The following GRK5 variants were observed in gnomAD, a reference collection of about 807,000 sequenced individuals.
GRK5 encodes the protein g protein-coupled receptor kinase GRK5.
GRK5 carries 40 observed loss-of-function variants against 78.4 expected under a neutral mutation model. That is an observed-to-expected ratio of 0.51 (90% CI 0.40 to 0.66). The LOEUF is 0.66. Among genes scored for constraint, GRK5 ranks in the 30% least tolerant of loss-of-function variants. The pLI is 0.00. For synonymous variants in GRK5, 289 were observed against 296.8 expected, an observed-to-expected ratio of 0.97 and a Z score of 0.27; for missense variants, 598 against 759.9, an observed-to-expected ratio of 0.79 and a Z score of 2.50.
chr10:119,399,420 G>C (rs1050218228), intron 4 of GRK5, among the ~76,000 whole-genome samples: 1 of 152,182 alleles, frequency 6.6e-6, no homozygotes, highest in African/African-American at 2.4e-5. Flanking sequence ...CCCAGCACTG[G>C]CTCAGAAGAC....
chr10:119,297,537 T>C (rs1215653086), intron 1 of GRK5, among the ~76,000 whole-genome samples: 1 of 152,262 alleles, frequency 6.6e-6, no homozygotes, highest in Non-Finnish European at 1.5e-5. Context: ...GATGATACTA[T>C]GAAGTAGAAC....
chr10:119,302,061 C>T (rs1850192408), intron 1 of GRK5, among the ~76,000 whole-genome samples: 1 of 152,224 alleles, frequency 6.6e-6, no homozygotes. Flanking sequence ...TCGTTGGCTT[C>T]CTGGACTTTT....
At position 119,336,451 on chromosome 10, in the gene GRK5, T is replaced by A. The variant is rs79774581; in HGVS notation, c.148+9840T>A. Among the ~76,000 whole-genome samples the A allele has an allele frequency of 9.5e-3, 1,446 of 152,154 alleles. 14 individuals carry two copies. Among genetic ancestry groups the A allele is most frequent in the South Asian group, 0.039 (190 of 4,816 alleles). ...CTTTATCTGTAAGATTGTTTTTTTT[T>A]TAAAAAAAGAATGAATTGGCATGTT... is the stretch of plus-strand genomic sequence containing the variant. On this transcript the variant is annotated intron_variant, in intron 2 of 15. Coordinates refer to ENST00000392870, the MANE Select transcript of GRK5 (RefSeq NM_005308.3). The surrounding 1 kb of genome is among the most constrained non-coding windows in gnomAD (Gnocchi z 4.5).
chr10:119,272,731 C>T (rs1849605024), intron 1 of GRK5, among the ~76,000 whole-genome samples: 1 of 152,172 alleles, frequency 6.6e-6, no homozygotes, highest in Non-Finnish European at 1.5e-5. Flanking sequence ...AGGTTTTGCC[C>T]TGACCCATGA....
intron 2 of GRK5, among the ~76,000 whole-genome samples, chr10:119,374,134 A>G (rs1221400472): frequency 6.6e-6 from 1 of 152,234 alleles, no homozygotes; most frequent in African/African-American, 2.4e-5. Flanking sequence ...AATCTGGTCT[A>G]AGTCCCTGTA....
intron 1 of GRK5, among the ~76,000 whole-genome samples, chr10:119,224,384 AATTTATT>A (rs1321307463): frequency 3.8e-5 from 5 of 131,336 alleles, no homozygotes; most frequent in South Asian, 2.7e-4. Flanking sequence ...TTTATTTATT[AATTTATT>A]ATTTATTTAT....
intron 1 of GRK5, among the ~76,000 whole-genome samples, chr10:119,291,953 T>TCTCTTCCTCCTC (rs1564879490): frequency 1.4e-5 from 1 of 73,426 alleles, no homozygotes; most frequent in African/African-American, 5.5e-5. Flanking sequence ...TTTTCCTCCT[T>TCTCTTCCTCCTC]CTCCTCCTCT....
chr10:119,410,492 A>G (rs1007600205), intron 4 of GRK5, among the ~76,000 whole-genome samples: 9 of 152,152 alleles, frequency 5.9e-5, no homozygotes, highest in African/African-American at 2.2e-4. Flanking sequence ...AGAGAACATG[A>G]CACGCTGGGT....
At position 119,395,052 on chromosome 10, in the gene GRK5, C is replaced by T. The variant is rs182960429; in HGVS notation, c.262-1643C>T. On this transcript the variant is annotated intron_variant, in intron 3 of 15. Coordinates refer to ENST00000392870, the MANE Select transcript of GRK5 (RefSeq NM_005308.3). ...CCTCTGGGGAGAGGCTCTGCCCACG[C>T]GGCGCAGTGGGAATCCAGAGGCCAG... 1.7e-3 allele frequency among the ~76,000 whole-genome samples: 244 copies of T among 144,766 alleles called. 2 individuals carry two copies. The highest frequency in any genetic ancestry group is 5.9e-3 in the African/African-American group (235 of 40,116). 95.0% of individuals were successfully genotyped at this position (144,766 alleles called of 152,430 possible).
chr10:119,317,495 C>T (rs528927683), intron 1 of GRK5, among the ~76,000 whole-genome samples: 3 of 152,000 alleles, frequency 2.0e-5, no homozygotes, highest in Non-Finnish European at 4.4e-5. Flanking sequence ...CTCATTGGCC[C>T]GGACCCCTCA....
intron 3 of GRK5, among the ~76,000 whole-genome samples, chr10:119,383,379 T>C (rs919831664): frequency 3.9e-5 from 6 of 152,246 alleles, no homozygotes; most frequent in African/African-American, 7.2e-5. Flanking sequence ...CTTTTTGAAA[T>C]GGTAGCAGCT....
At chr10:119,408,658 G>T (rs540851344) in intron 4 of GRK5, among the ~76,000 whole-genome samples, 3 of 152,170 alleles carry the variant, frequency 2.0e-5, no homozygotes, top group Non-Finnish European at 4.4e-5. Flanking sequence ...AATCCATAGA[G>T]GCAGAAAGTA....
chr10:119,444,030 C>G (rs1435394752), intron 12 of GRK5, among the ~76,000 whole-genome samples: 1 of 152,086 alleles, frequency 6.6e-6, no homozygotes, highest in Admixed American at 6.5e-5. Flanking sequence ...TCACATCCAG[C>G]CTGTGGGGGG....
In GRK5 at chr10:119,339,523, G is replaced by A. The variant is rs531344; in HGVS notation, c.148+12912G>A. Among the ~76,000 whole-genome samples the A allele has an allele frequency of 2.8e-3, 429 of 152,274 alleles. 3 individuals carry two copies. The highest frequency in any genetic ancestry group is 9.9e-3 in the African/African-American group (412 of 41,558). Reference sequence around the variant, plus strand: ...AACACCCCAGAGCTAGTACCCGAAAGGCAGGAGTGGGGGGTTGCAGGGAAG... The same window carrying A: ...AACACCCCAGAGCTAGTACCCGAAAAGCAGGAGTGGGGGGTTGCAGGGAAG... On this transcript the variant is annotated intron_variant, in intron 2 of 15. Transcript: ENST00000392870.
chr10:119,304,283 G>GC (rs1850235137), intron 1 of GRK5, among the ~76,000 whole-genome samples: 2 of 118,102 alleles, frequency 1.7e-5, no homozygotes, highest in African/African-American at 3.2e-5. Context: ...TGTGTGAGCT[G>GC]CTTTTTTTTT....
intron 1 of GRK5, among the ~76,000 whole-genome samples, chr10:119,229,283 A>G (rs1331564821): frequency 6.6e-6 from 1 of 152,054 alleles, no homozygotes; most frequent in African/African-American, 2.4e-5. Context: ...CTGGGTGTGC[A>G]GCGTTGTGTG....
At chr10:119,370,233 A>C in intron 2 of GRK5, among the ~76,000 whole-genome samples, 1 of 150,934 alleles carries the variant, frequency 6.6e-6, no homozygotes, top group Non-Finnish European at 1.5e-5. Context: ...TTTCCTCCCC[A>C]CTGTCCCCGC....
At chr10:119,409,142 C>T (rs1429344023) in intron 4 of GRK5, among the ~76,000 whole-genome samples, 5 of 152,326 alleles carry the variant, frequency 3.3e-5, no homozygotes, top group Admixed American at 2.6e-4. Context: ...ACCTGGGCCT[C>T]GGCTTCCACT....
At chr10:119,283,183 A>C (rs1849791327) in intron 1 of GRK5, among the ~76,000 whole-genome samples, 1 of 152,062 alleles carries the variant, frequency 6.6e-6, no homozygotes, top group Non-Finnish European at 1.5e-5. Context: ...TTTTTAAACC[A>C]AAAACAACAT....
Sources: allele counts gnomAD v4.1 joint callset (sites outside exome capture counted in the v4.1 genomes callset), GRCh38; gene constraint gnomAD v4.1.1; non-coding constraint Gnocchi (gnomAD v3.1); transcripts MANE v1.5; gene names NCBI Gene and HGNC (gene_info 2026-07-23, HGNC 2026-07-21).